TEX11: variants seen among roughly 807,000 people sequenced by gnomAD.
TEX11 encodes the protein testis-expressed protein 11.
A neutral mutation model predicts 84.4 loss-of-function variants in TEX11; 7 were observed. That is an observed-to-expected ratio of 0.08 (90% CI 0.05 to 0.16). The LOEUF is 0.16. TEX11 is among the 10% of genes least tolerant of loss of function. The pLI is 1.00. For synonymous variants in TEX11, 264 were observed against 222.8 expected (o/e 1.18, Z -1.64); for missense variants, 551 against 660.5 (o/e 0.83, Z 1.82).
chrX:70,706,484 G>T (rs2090377650), intron 13 of TEX11, among the ~76,000 whole-genome samples: 1 of 111,047 alleles, frequency 9.0e-6, no homozygotes, highest in African/African-American at 3.3e-5. Flanking sequence ...TAAGGATAGT[G>T]TGCAGCTGGC....
chrX:70,612,676 G>C (rs945168716), intron 20 of TEX11, among the ~76,000 whole-genome samples: 5 of 111,213 alleles, frequency 4.5e-5, no homozygotes, highest in Non-Finnish European at 9.4e-5. Flanking sequence ...AATATCCAAG[G>C]ACTGTGAGAC....
intron 14 of TEX11, among the ~76,000 whole-genome samples, chrX:70,681,418 A>C (rs929360461): frequency 9.8e-5 from 11 of 112,556 alleles, no homozygotes; most frequent in African/African-American, 3.5e-4. Flanking sequence ...TACTTTCTTT[A>C]AATAAAAATC....
At chrX:70,676,925 G>A (rs141390489) in intron 15 of TEX11, among the ~76,000 whole-genome samples, 47 of 111,505 alleles carry the variant, frequency 4.2e-4, no homozygotes, top group African/African-American at 1.4e-3. Flanking sequence ...TTTGATTTGG[G>A]TCTTTACGTA....
chrX:70,776,587 G>T (rs908309929), intron 9 of TEX11, among the ~76,000 whole-genome samples: 12 of 108,622 alleles, frequency 1.1e-4, no homozygotes, highest in Non-Finnish European at 2.3e-4. Flanking sequence ...AAAAGAAGAA[G>T]AATGAGATAC....
intron 13 of TEX11, among the ~76,000 whole-genome samples, chrX:70,716,957 T>C (rs1345806683): frequency 8.9e-6 from 1 of 112,451 alleles, no homozygotes; most frequent in Non-Finnish European, 1.9e-5. Flanking sequence ...CAAGTTTACT[T>C]AAATGTTAAT....
intron 24 of TEX11, among the ~76,000 whole-genome samples, chrX:70,596,091 C>T (rs995323009): frequency 9.0e-6 from 1 of 110,724 alleles, no homozygotes; most frequent in African/African-American, 3.3e-5. Context: ...AAATGTATAG[C>T]AATTATAAAC....
chrX:70,629,767 A>C, intron 17 of TEX11, 32 bp from the exon 18 acceptor site: 1 of 1,026,219 alleles, frequency 9.7e-7, no homozygotes, highest in Non-Finnish European at 1.3e-6. Flanking sequence ...CAAAAATGAT[A>C]TACTCTAATC....
At chrX:70,648,377 G>A (rs2089772392) in intron 17 of TEX11, among the ~76,000 whole-genome samples, 1 of 110,079 alleles carries the variant, frequency 9.1e-6, no homozygotes, top group Non-Finnish European at 1.9e-5. Flanking sequence ...AAACCTGCAT[G>A]TTGTGCACAT....
intron 28 of TEX11, among the ~76,000 whole-genome samples, chrX:70,542,767 A>T (rs1045508773): frequency 2.8e-4 from 31 of 112,445 alleles, no homozygotes; most frequent in African/African-American, 9.4e-4. Flanking sequence ...TCATTAAAAA[A>T]GTCAGTCAAA....
chrX:70,762,453 G>C (rs765283759), intron 9 of TEX11, among the ~76,000 whole-genome samples: 14 of 111,430 alleles, frequency 1.3e-4, no homozygotes, highest in Non-Finnish European at 2.3e-4. Flanking sequence ...TGCACAGCAG[G>C]AGATGAGTGG....
At chrX:70,539,182 C>T (rs982487743) in intron 28 of TEX11, among the ~76,000 whole-genome samples, 1 of 105,953 alleles carries the variant, frequency 9.4e-6, no homozygotes, top group African/African-American at 3.4e-5. Flanking sequence ...TTACAGGCGC[C>T]TACCACCACG....
chrX:70,517,989 G>T, the TEX11 span, among the ~76,000 whole-genome samples: 1 of 108,660 alleles, frequency 9.2e-6, no homozygotes, highest in Admixed American at 9.9e-5. Context: ...ATTTTTTATT[G>T]CATCTATTTG....
chrX:70,654,744 T>C (rs1195229092), intron 16 of TEX11, among the ~76,000 whole-genome samples: 1 of 69,518 alleles, frequency 1.4e-5, no homozygotes, highest in East Asian at 4.1e-4. Context: ...AAATGACAAA[T>C]AGAAAGCATA....
chrX:70,513,091 C>T, the TEX11 span, among the ~76,000 whole-genome samples: 2 of 108,681 alleles, frequency 1.8e-5, no homozygotes, highest in African/African-American at 6.9e-5. Flanking sequence ...TGATGGCTCA[C>T]GCCTGTAATC....
At chrX:70,815,371 C>A (rs894132690) in intron 8 of TEX11, among the ~76,000 whole-genome samples, 6 of 111,383 alleles carry the variant, frequency 5.4e-5, no homozygotes, top group Non-Finnish European at 1.1e-4. Context: ...ACATTTATTA[C>A]TATAAACTTA....
intron 18 of TEX11, among the ~76,000 whole-genome samples, chrX:70,626,937 GAGAA>G (rs1438312946): frequency 1.8e-5 from 2 of 112,035 alleles, no homozygotes; most frequent in Admixed American, 1.9e-4. Flanking sequence ...ACTAGCAAAG[GAGAA>G]AGAAAGAGTG....
intron 28 of TEX11, among the ~76,000 whole-genome samples, chrX:70,547,969 C>T (rs1178568543): frequency 4.5e-5 from 5 of 111,841 alleles, no homozygotes; most frequent in Admixed American, 9.5e-5. Flanking sequence ...CACATGCACA[C>T]GTATGTTTAT....
At chrX:70,589,500 CAGTT>C (rs1364730055) in intron 25 of TEX11, among the ~76,000 whole-genome samples, 1 of 110,934 alleles carries the variant, frequency 9.0e-6, no homozygotes, top group Non-Finnish European at 1.9e-5. Context: ...TTTTGGTGGA[CAGTT>C]AGCATTCTGA....
At chrX:70,780,587 A>G (rs2091032561) in intron 9 of TEX11, among the ~76,000 whole-genome samples, 1 of 112,240 alleles carries the variant, frequency 8.9e-6, no homozygotes, top group African/African-American at 3.2e-5. Context: ...ACCTGGAGGA[A>G]CAGTACACTC....
Sources: gnomAD v4.1 joint callset for allele counts (sites outside exome capture counted in the v4.1 genomes callset) on GRCh38, gnomAD v4.1.1 for gene constraint, MANE v1.5 for transcripts, NCBI Gene and HGNC (gene_info 2026-07-23, HGNC 2026-07-21) for gene names.